SESN1: variants seen among roughly 807,000 people sequenced by gnomAD.
SESN1 encodes sestrin 1.
Under a neutral mutation model 59.3 loss-of-function variants are expected in SESN1, and 30 were observed. That is an observed-to-expected ratio of 0.51 (90% CI 0.38 to 0.69). The LOEUF is 0.69. SESN1 is among the 30% of genes least tolerant of loss of function. The pLI is 0.00. For missense variants in SESN1, 566 were observed against 673.0 expected (o/e 0.84, Z 1.76); for synonymous variants, 197 against 219.9 (o/e 0.90, Z 0.92).
At chr6:109,024,801 G>A (rs1291629464) in intron 1 of SESN1, among the ~76,000 whole-genome samples, 2 of 152,208 alleles carry the variant, frequency 1.3e-5, no homozygotes, top group African/African-American at 4.8e-5. Context: ...AGCATTGTGA[G>A]TATCGTACTA....
At chr6:109,066,258 G>A (rs942360607) in intron 1 of SESN1, among the ~76,000 whole-genome samples, 2 of 151,090 alleles carry the variant, frequency 1.3e-5, no homozygotes, top group African/African-American at 4.8e-5. Flanking sequence ...TCCTCACAGG[G>A]GAAGAAGCAA....
intron 5 of SESN1, among the ~76,000 whole-genome samples, chr6:108,994,953 C>T (rs1283668337): frequency 6.6e-6 from 1 of 152,102 alleles, no homozygotes; most frequent in Non-Finnish European, 1.5e-5. Context: ...ATCTGTCCAC[C>T]TCGGCCTTCC....
At position 109,094,015 on chromosome 6, in the gene SESN1, G is replaced by C; in HGVS notation, c.59C>G (p.Thr20Ser). Residue 20 changes from threonine (T) to serine (S), a missense_variant, in exon 1 of 10, where the codon ACT (threonine) becomes AGT (serine). Transcript: ENST00000436639. ...AATGTTTTCCAATGCTGTCTCCCTA[G>C]TAGTTGAATCTCTGCTGCAGAGTCC... ...WDGLCSRDST[T>S]RETALENIRQ... is the part of the protein sequence containing the mutation. 6.2e-7 allele frequency: 1 copy of C among 1,614,166 alleles called. No individual in the cohort carries two copies. The highest frequency in any genetic ancestry group is 8.5e-7 in the Non-Finnish European group (1 of 1,180,028).
At chr6:109,073,676 T>C (rs1780977072) in intron 1 of SESN1, among the ~76,000 whole-genome samples, 1 of 152,218 alleles carries the variant, frequency 6.6e-6, no homozygotes, top group African/African-American at 2.4e-5. Context: ...TATTCTTCAT[T>C]AACAGCCAAG....
intron 1 of SESN1, among the ~76,000 whole-genome samples, chr6:109,031,946 A>T (rs768189578): frequency 1.3e-5 from 2 of 152,214 alleles, no homozygotes; most frequent in Non-Finnish European, 2.9e-5. Context: ...CTTGTTTCAT[A>T]TACACCTTAT....
At chr6:109,044,433 A>C (rs764673918) in intron 1 of SESN1, among the ~76,000 whole-genome samples, 8 of 151,892 alleles carry the variant, frequency 5.3e-5, no homozygotes, top group Non-Finnish European at 1.0e-4. Flanking sequence ...ATCCATACGC[A>C]AAGAAAAGAA....
Position 109,072,547 on chromosome 6 carries a change from A to G in SESN1, c.279+21248T>C, listed in dbSNP as rs867090991. Among the ~76,000 whole-genome samples, 23 of 152,298 alleles carry G rather than the reference A, an allele frequency of 1.5e-4. No individual in the cohort carries two copies. In the Middle Eastern group the frequency reaches 0.014, roughly 90 times the overall value. On this transcript the variant is annotated intron_variant, in intron 1 of 9. Coordinates refer to ENST00000436639, the MANE Select transcript of SESN1 (RefSeq NM_014454.3). ...AAGAAATGATTTAGGCTTCTGTATCATTTTTCAGCTTCATAGTATATTGTT... is the reference window on the plus strand; with the variant it reads ...AAGAAATGATTTAGGCTTCTGTATCGTTTTTCAGCTTCATAGTATATTGTT...
Position 109,009,006 on chromosome 6 carries a change from C to A in SESN1, c.280-6663G>T, listed in dbSNP as rs138401666. 211 of 1,024,880 alleles carry A rather than the reference C, an allele frequency of 2.1e-4. No homozygotes were observed. In the African/African-American group the frequency reaches 3.3e-3, roughly 16 times the overall value. 63.5% of individuals were successfully genotyped at this position (1,024,880 alleles called of 1,614,324 possible). A position where few individuals can be genotyped will look rare whatever the true frequency, so the allele number is the denominator to read the frequency against. ...CTGTTTCACCCTCAAGACTCGAGGT[C>A]TGCTGGATTTCTGACTTGTGGAGAC... On this transcript the variant is annotated intron_variant, in intron 1 of 9. Coordinates refer to ENST00000436639, the MANE Select transcript of SESN1 (RefSeq NM_014454.3).
intron 1 of SESN1, among the ~76,000 whole-genome samples, chr6:109,012,578 T>G (rs962339114): frequency 1.3e-5 from 2 of 152,148 alleles, no homozygotes; most frequent in African/African-American, 4.8e-5. Flanking sequence ...GAATGGTGGT[T>G]CAAGATAGGC....
chr6:109,087,817 C>T (rs574286501), intron 1 of SESN1, among the ~76,000 whole-genome samples: 8 of 152,106 alleles, frequency 5.3e-5, no homozygotes, highest in African/African-American at 1.7e-4. Flanking sequence ...CTAATCTAAT[C>T]GGATCCAAAT....
At chr6:109,061,090 A>ATATTT (rs1302463630) in intron 1 of SESN1, among the ~76,000 whole-genome samples, 10 of 152,064 alleles carry the variant, frequency 6.6e-5, no homozygotes, top group African/African-American at 2.2e-4. Context: ...GAAATATCTC[A>ATATTT]CACATATTAT....
chr6:109,002,484 C>T (rs1019865072), intron 1 of SESN1, 141 bp from the exon 2 acceptor site: 1 of 626,356 alleles, frequency 1.6e-6, no homozygotes, highest in Admixed American at 2.6e-5. Flanking sequence ...TATATACATA[C>T]CAACTCTTCT....
At chr6:108,993,387 TATC>T (rs1217211076) in intron 6 of SESN1, among the ~76,000 whole-genome samples, 1 of 152,232 alleles carries the variant, frequency 6.6e-6, no homozygotes, top group African/African-American at 2.4e-5. Flanking sequence ...CTTTCTGGAC[TATC>T]ATCATGTTTA....
At position 108,998,920 on chromosome 6, in the gene SESN1, A is replaced by C. The variant is rs556042985; in HGVS notation, c.730-165T>G. The C allele has an allele frequency of 1.6e-4, 103 of 625,100 alleles. No homozygotes were observed. The African/African-American group carries it at 1.8e-3, about 11-fold the overall frequency. The allele number at this position is 625,100 out of a possible 1,614,324, so 38.7% of individuals were successfully genotyped here. ...ACCCAGAATTTGCTAATTTTTATGA[A>C]TATGCATTCACAAATAGAACTTAAC... On this transcript the variant is annotated intron_variant, in intron 4 of 9. Transcript: ENST00000436639.
At chr6:109,041,895 T>C (rs573100779) in intron 1 of SESN1, among the ~76,000 whole-genome samples, 27 of 152,126 alleles carry the variant, frequency 1.8e-4, no homozygotes, top group Non-Finnish European at 2.9e-4. Flanking sequence ...AGAAAATACA[T>C]AGCCTTTTAG....
chr6:109,073,007 GT>G (rs1003810050), intron 1 of SESN1, among the ~76,000 whole-genome samples: 1 of 150,186 alleles, frequency 6.7e-6, no homozygotes, highest in African/African-American at 2.4e-5. Flanking sequence ...AAAATAAAGT[GT>G]TTTTTTGTTT....
intron 1 of SESN1, among the ~76,000 whole-genome samples, chr6:109,048,138 G>A (rs1338946852): frequency 6.6e-6 from 1 of 151,660 alleles, no homozygotes; most frequent in Non-Finnish European, 1.5e-5. Context: ...TATTTTTGCT[G>A]TCAACATTCA....
At chr6:109,002,127 C>A in intron 2 of SESN1, 151 bp downstream of exon 2, 1 of 613,232 alleles carries the variant, frequency 1.6e-6, no homozygotes, top group South Asian at 2.1e-5. Context: ...CTTTTTATTC[C>A]CACAGATTCA....
chr6:109,014,274 T>G (rs1174814015), intron 1 of SESN1, among the ~76,000 whole-genome samples: 1 of 152,244 alleles, frequency 6.6e-6, no homozygotes, highest in Non-Finnish European at 1.5e-5. Context: ...TTTTCTAGGC[T>G]GATAATAATA....
Sources: gnomAD v4.1 joint callset for allele counts (sites outside exome capture counted in the v4.1 genomes callset) on GRCh38, gnomAD v4.1.1 for gene constraint, MANE v1.5 for transcripts, NCBI Gene and HGNC (gene_info 2026-07-23, HGNC 2026-07-21) for gene names.